The following ECSIT variants were observed in gnomAD, a reference collection of about 807,000 sequenced individuals.
ECSIT encodes ECSIT signaling integrator.
Under a neutral mutation model 36.8 loss-of-function variants are expected in ECSIT, and 29 were observed. The ratio of observed to expected loss-of-function variants is 0.79; its 90% confidence interval spans 0.59 to 1.08. The LOEUF (loss-of-function observed/expected upper bound fraction) is 1.08. Ranked by LOEUF, ECSIT falls within the 50% of genes least tolerant of loss-of-function variation. The pLI is 0.00. For missense variants in ECSIT, 542 were observed against 581.0 expected (o/e 0.93, Z 0.69); for synonymous variants, 231 against 234.8 (o/e 0.98, Z 0.15).
intron 4 of ECSIT, among the ~76,000 whole-genome samples, chr19:11,511,735 C>T (rs1208501284): frequency 6.6e-6 from 1 of 151,976 alleles, no homozygotes; most frequent in African/African-American, 2.4e-5. Context: ...AGATTAGTCC[C>T]CTTATAAAAA....
rs763975201 is a variant in ECSIT at position 11,506,369 on chromosome 19, C to T, written c.1111G>A (p.Ala371Thr). ...MAGAHDQATM[A>T]KWIQGLQETN... ...TCCTGCAGGCCCTGGATCCACTTAG[C>T]CATCGTCGCCTGGTCATGAGCACCC... Residue 371 changes from alanine (A) to threonine (T), a missense_variant, in exon 8 of 8, where the codon GCT becomes ACT. Transcript: ENST00000270517. The T allele has an allele frequency of 1.2e-6, 2 of 1,613,656 alleles. No homozygotes were observed. Among genetic ancestry groups the T allele is most frequent in the South Asian group, 1.1e-5 (1 of 91,088 alleles).
intron 4 of ECSIT, among the ~76,000 whole-genome samples, chr19:11,510,180 T>C (rs1489247708): frequency 3.4e-5 from 5 of 147,036 alleles, no homozygotes; most frequent in Non-Finnish European, 7.5e-5. Context: ...GCTAAAGAAC[T>C]TCTTTTTTTT....
At chr19:11,526,316 G>A (rs573342147) in intron 1 of ECSIT, among the ~76,000 whole-genome samples, 1 of 152,286 alleles carries the variant, frequency 6.6e-6, no homozygotes, top group Non-Finnish European at 1.5e-5. Flanking sequence ...TAAAGTTTGA[G>A]AAGTGGTGAT....
At chr19:11,510,074 T>C (rs1048966219) in intron 4 of ECSIT, among the ~76,000 whole-genome samples, 1 of 152,064 alleles carries the variant, frequency 6.6e-6, no homozygotes, top group African/African-American at 2.4e-5. Flanking sequence ...GGTTTCTCCA[T>C]GTTGGTCAGG....
chr19:11,507,170 G>A (rs571823848), intron 7 of ECSIT, among the ~76,000 whole-genome samples: 1 of 152,310 alleles, frequency 6.6e-6, no homozygotes, highest in Non-Finnish European at 1.5e-5. Context: ...CGGAGGACGA[G>A]GGTGTAAGTG....
At position 11,506,319 on chromosome 19, in the gene ECSIT, G is replaced by T. The variant is rs771888221; in HGVS notation, c.1161C>A (p.Ile387=). The part of the protein sequence containing the change: ...LQETNPTLAQ[I]PVVFRLAGST... ...ACCCGGCGAGGCGGAAGACCACGGG[G>T]ATCTGGGCCAGGGTTGGGTTGGTCT... The change falls in exon 8 of 8, where the codon ATC becomes ATA. Residue 387 remains isoleucine (I), a synonymous_variant. Transcript: ENST00000270517. The T allele has an allele frequency of 6.8e-6, 11 of 1,613,424 alleles. No homozygotes were observed. The highest frequency in any genetic ancestry group is 9.3e-6 in the Non-Finnish European group (11 of 1,179,892).
chr19:11,507,807 A>G lies in ECSIT; in HGVS notation c.840T>C (p.Asn280=), dbSNP rs1463941027. ...PDQQAALARH[N]PARPVFVEGP... ...CCTCAACAAAGACAGGCCGGGCTGGATTGTGGCGGGCCAGGGCGGCCTGCT... is the reference window on the plus strand; with the variant it reads ...CCTCAACAAAGACAGGCCGGGCTGGGTTGTGGCGGGCCAGGGCGGCCTGCT... The change falls in exon 6 of 8, where the codon AAT becomes AAC. Residue 280 remains asparagine (N), a synonymous_variant. Coordinates refer to ENST00000270517, the MANE Select transcript of ECSIT (RefSeq NM_016581.5). The G allele has an allele frequency of 6.2e-7, 1 of 1,613,804 alleles. No individual in the cohort carries two copies. The highest frequency in any genetic ancestry group is 8.5e-7 in the Non-Finnish European group (1 of 1,180,016).
At chr19:11,514,761 G>A (rs773626537) in intron 2 of ECSIT, among the ~76,000 whole-genome samples, 13 of 151,926 alleles carry the variant, frequency 8.6e-5, no homozygotes. Context: ...GGCTTCAAGT[G>A]ATCATCCCGT....
chr19:11,506,096 A>C lies in ECSIT; in HGVS notation c.*88T>G. 1.9e-6 allele frequency: 3 copies of C among 1,542,116 alleles called. No individual in the cohort carries two copies. The highest frequency in any genetic ancestry group is 2.6e-6 in the Non-Finnish European group (3 of 1,147,730). ...GGAAGAGAGCCCCAAGCAGGAAAAC[A>C]TTGATTTGCTGTACACTCAAAGGGC... On this transcript the variant is annotated 3_prime_UTR_variant, in exon 8 of 8. Coordinates refer to ENST00000270517, the MANE Select transcript of ECSIT (RefSeq NM_016581.5).
rs773799891 is a variant in ECSIT, at chr19:11,506,337, G to A, written c.1143C>T (p.Asn381=). The change falls in exon 8 of 8, where the codon AAC becomes AAT. Residue 381 remains asparagine (N), a synonymous_variant. Coordinates refer to ENST00000270517, the MANE Select transcript of ECSIT (RefSeq NM_016581.5). ...AKWIQGLQET[N]PTLAQIPVVF... ...CCACGGGGATCTGGGCCAGGGTTGG[G>A]TTGGTCTCCTGCAGGCCCTGGATCC... 20 of 1,613,458 alleles carry A rather than the reference G, an allele frequency of 1.2e-5. No homozygotes were observed. The highest frequency in any genetic ancestry group is 1.7e-5 in the Admixed American group (1 of 60,004).
intron 1 of ECSIT, among the ~76,000 whole-genome samples, chr19:11,528,127 A>T (rs1460638278): frequency 6.6e-6 from 1 of 152,348 alleles, no homozygotes; most frequent in East Asian, 1.9e-4. Flanking sequence ...GAACCTTTGT[A>T]CTTGCTTTTC....
intron 4 of ECSIT, chr19:11,510,762 C>T (rs1001639660): frequency 6.6e-6 from 1 of 151,140 alleles, no homozygotes; most frequent in Admixed American, 6.6e-5. Flanking sequence ...AAACAACCCT[C>T]CCCCCCACAT....
intron 1 of ECSIT, chr19:11,522,543 G>A (rs1012243118): frequency 5.5e-6 from 4 of 720,870 alleles, no homozygotes; most frequent in Admixed American, 2.5e-5. Context: ...ACTCAGGAAC[G>A]CCCCGGTAAA....
chr19:11,514,115 G>A lies in ECSIT; in HGVS notation c.203C>T (p.Ala68Val). The change falls in exon 3 of 8, where the codon GCT becomes GTT. Residue 68 changes from alanine (A) to valine (V), a missense_variant. By Grantham distance (64) the Ala-to-Val change is moderately conservative. Coordinates refer to ENST00000270517, the MANE Select transcript of ECSIT (RefSeq NM_016581.5). ...PPEPRQRPTKALVPFEDLFGQ... is the reference protein window; with the variant it reads ...PPEPRQRPTKVLVPFEDLFGQ... ...AAACAGGTCCTCAAAGGGCACCAGA[G>A]CCTTGGTGGGCCTCTGCCGGGGTTC... 7 of 1,614,106 alleles carry A rather than the reference G, an allele frequency of 4.3e-6. No individual in the cohort carries two copies. Among genetic ancestry groups the A allele is most frequent in the Non-Finnish European group, 5.9e-6 (7 of 1,179,966 alleles).
At chr19:11,520,427 C>T (rs1972079614) in intron 1 of ECSIT, among the ~76,000 whole-genome samples, 1 of 152,188 alleles carries the variant, frequency 6.6e-6, no homozygotes, top group Non-Finnish European at 1.5e-5. Flanking sequence ...CAGCCTCAGC[C>T]TCCCCAAGTG....
chr19:11,523,405 C>A, intron 1 of ECSIT: 1 of 567,590 alleles, frequency 1.8e-6, no homozygotes, highest in South Asian at 3.2e-5. Context: ...TGGGTATGTT[C>A]AAGATTCAGC....
intron 2 of ECSIT, among the ~76,000 whole-genome samples, chr19:11,514,464 A>C (rs1479253511): frequency 6.6e-6 from 1 of 151,330 alleles, no homozygotes; most frequent in Non-Finnish European, 1.5e-5. Context: ...ACTGCCACGG[A>C]GGCAACTTGG....
chr19:11,507,915 A>C (rs747795850), intron 5 of ECSIT, 65 bp from the exon 6 acceptor site: 2 of 1,613,952 alleles, frequency 1.2e-6, no homozygotes, highest in Non-Finnish European at 1.7e-6. Flanking sequence ...CAGGGAGCCC[A>C]GCCTAGGCCC....
chr19:11,516,701 AC>A, intron 2 of ECSIT, among the ~76,000 whole-genome samples: 2 of 151,492 alleles, frequency 1.3e-5, no homozygotes, highest in African/African-American at 4.9e-5. Flanking sequence ...ACACACACAC[AC>A]ACACAAAACG....
Sources: gnomAD v4.1 joint callset for allele counts (sites outside exome capture counted in the v4.1 genomes callset) on GRCh38, gnomAD v4.1.1 for gene constraint, MANE v1.5 for transcripts, NCBI Gene and HGNC (gene_info 2026-07-23, HGNC 2026-07-21) for gene names.